The following ANKS1B variants were observed in gnomAD, a reference collection of about 807,000 sequenced individuals.
The protein encoded by ANKS1B is ankyrin repeat and sterile alpha motif domain containing 1B, also known as ankyrin repeat and sterile alpha motif domain-containing protein 1B.
In ANKS1B, 36 loss-of-function variants were observed where a neutral mutation model predicts 148.3. The observed-to-expected ratio is 0.24, with a 90% confidence interval of 0.19 to 0.32. The LOEUF (loss-of-function observed/expected upper bound fraction) is 0.32. ANKS1B is among the 10% of genes least tolerant of loss of function. The pLI is 1.00. For missense variants in ANKS1B, 1,157 were observed against 1,542.6 expected, an observed-to-expected ratio of 0.75 and a Z score of 4.19; for synonymous variants, 542 against 560.8, an observed-to-expected ratio of 0.97 and a Z score of 0.47.
intron 25 of ANKS1B, among the ~76,000 whole-genome samples, chr12:98,758,115 G>A (rs771214627): frequency 5.9e-5 from 9 of 151,988 alleles, no homozygotes; most frequent in African/African-American, 9.7e-5. Context: ...TGGCAATACC[G>A]GCTAGCATTT....
At chr12:99,281,576 C>A (rs1308066254) in intron 12 of ANKS1B, among the ~76,000 whole-genome samples, 1 of 152,116 alleles carries the variant, frequency 6.6e-6, no homozygotes, top group Non-Finnish European at 1.5e-5. Flanking sequence ...GCGGGTACTT[C>A]CAAAATAATT....
chr12:99,167,636 T>C (rs1254187549), intron 14 of ANKS1B, among the ~76,000 whole-genome samples: 1 of 152,182 alleles, frequency 6.6e-6, no homozygotes, highest in African/African-American at 2.4e-5. Context: ...TGGAAAAGTT[T>C]GATGGTTTCT....
chr12:99,414,003 G>C (rs1337283095), intron 11 of ANKS1B, among the ~76,000 whole-genome samples: 1 of 152,102 alleles, frequency 6.6e-6, no homozygotes, highest in Non-Finnish European at 1.5e-5. Flanking sequence ...AGGGCTTTTT[G>C]AGAACAGACA....
rs1555230501 is a variant in ANKS1B at position 99,088,848 on chromosome 12, T to TTTG, written c.2527-3826_2527-3825insCAA. Among the ~76,000 whole-genome samples, 15 of 138,054 alleles carry TTTG rather than the reference T, an allele frequency of 1.1e-4. 1 individual carries two copies. The highest frequency in any genetic ancestry group is 3.2e-4 in the African/African-American group (12 of 37,126). The allele number at this position is 138,054 out of a possible 152,430, so 90.6% of individuals were successfully genotyped here. On this transcript the variant is annotated intron_variant, in intron 15 of 26. Transcript: ENST00000683438. ...CTCAGTTTAACTTCTGTTTTTTTTTTTTTTTTTTTTTTTTGAGATGGAGTT... is the reference window on the plus strand; with the variant it reads ...CTCAGTTTAACTTCTGTTTTTTTTTTTTGTTTTTTTTTTTTTTGAGATGGAGTT...
chr12:99,804,610 T>A (rs74559759), intron 4 of ANKS1B, among the ~76,000 whole-genome samples: 4,741 of 152,216 alleles, frequency 0.031, 257 homozygotes, highest in African/African-American at 0.11. Context: ...TCCTAGGAAA[T>A]ATAACCCCAT....
intron 21 of ANKS1B, 135 bp from the exon 22 acceptor site, chr12:98,799,140 G>A (rs546965462): frequency 1.4e-4 from 69 of 510,908 alleles, no homozygotes; most frequent in South Asian, 4.0e-4. Flanking sequence ...AAAACTGACA[G>A]TAACTAATCC....
chr12:99,122,284 A>C (rs991730704), intron 15 of ANKS1B, among the ~76,000 whole-genome samples: 1 of 152,224 alleles, frequency 6.6e-6, no homozygotes, highest in Non-Finnish European at 1.5e-5. Flanking sequence ...GAGTATGTTG[A>C]ATAGAAGAAT....
chr12:99,654,460 A>G (rs2098440386), intron 9 of ANKS1B, among the ~76,000 whole-genome samples: 1 of 152,170 alleles, frequency 6.6e-6, no homozygotes, highest in African/African-American at 2.4e-5. Flanking sequence ...TCTCTGGAAT[A>G]TTTTAGTCAT....
At chr12:99,836,229 G>A (rs767979865) in intron 1 of ANKS1B, among the ~76,000 whole-genome samples, 7 of 151,834 alleles carry the variant, frequency 4.6e-5, no homozygotes, top group African/African-American at 7.3e-5. Flanking sequence ...ACACACACAC[G>A]CACAAAAGCT....
chr12:99,489,336 C>T (rs1016084651), intron 10 of ANKS1B, among the ~76,000 whole-genome samples: 3 of 151,614 alleles, frequency 2.0e-5, no homozygotes, highest in Non-Finnish European at 4.4e-5. Context: ...GAAAATACAT[C>T]AGAATATTAA....
intron 9 of ANKS1B, among the ~76,000 whole-genome samples, chr12:99,520,833 G>A (rs901955688): frequency 6.6e-6 from 1 of 152,164 alleles, no homozygotes; most frequent in African/African-American, 2.4e-5. Context: ...TTTCGCTCTT[G>A]TTGCCCAGGC....
intron 7 of ANKS1B, 82 bp from the exon 8 acceptor site, chr12:99,773,170 G>T (rs2063349291): frequency 1.7e-6 from 2 of 1,145,180 alleles, no homozygotes; most frequent in South Asian, 3.3e-5. Flanking sequence ...TGACTGCTAT[G>T]GTGATAGAAC....
chr12:98,861,338 G>C (rs2099598326), intron 17 of ANKS1B, among the ~76,000 whole-genome samples: 1 of 152,294 alleles, frequency 6.6e-6, no homozygotes. Flanking sequence ...CTGATATAAA[G>C]AGAAAAGCCA....
At chr12:99,212,439 C>T (rs569529972) in intron 14 of ANKS1B, among the ~76,000 whole-genome samples, 5 of 152,040 alleles carry the variant, frequency 3.3e-5, no homozygotes, top group Non-Finnish European at 7.4e-5. Context: ...TGCAAACATA[C>T]TCTGACCTTG....
intron 11 of ANKS1B, among the ~76,000 whole-genome samples, chr12:99,408,315 A>T (rs1237344398): frequency 6.9e-6 from 1 of 145,774 alleles, no homozygotes; most frequent in Non-Finnish European, 1.5e-5. Context: ...ACGAAAGTAG[A>T]CCCCTATCTC....
chr12:98,827,976 C>T (rs2099263908), intron 19 of ANKS1B, among the ~76,000 whole-genome samples: 2 of 152,038 alleles, frequency 1.3e-5, no homozygotes, highest in Admixed American at 6.6e-5. Flanking sequence ...TTTCAGATGC[C>T]CTATTTAAAA....
At chr12:99,924,402 C>A (rs147067526) in intron 1 of ANKS1B, among the ~76,000 whole-genome samples, 305 of 152,282 alleles carry the variant, frequency 2.0e-3, no homozygotes, top group African/African-American at 7.1e-3. Flanking sequence ...TTAAAACTTA[C>A]ACTAATATTT....
rs543224071 is a variant in ANKS1B, at chr12:99,665,633, C to T, written c.1129-10423G>A. ...TCCCAAGTAGCTGGGACTACAGGCG[C>T]CCACCACCACGCCCGGCTAATTTTT... On this transcript the variant is annotated intron_variant, in intron 8 of 26. Coordinates refer to ENST00000683438, the MANE Select transcript of ANKS1B (RefSeq NM_001352186.2). Among the ~76,000 whole-genome samples, 146 of 152,026 alleles carry T rather than the reference C, an allele frequency of 9.6e-4. 1 individual carries two copies. Among genetic ancestry groups the T allele is most frequent in the African/African-American group, 3.4e-3 (142 of 41,474 alleles).
At chr12:99,257,705 G>A (rs2075432904) in intron 12 of ANKS1B, among the ~76,000 whole-genome samples, 5 of 152,028 alleles carry the variant, frequency 3.3e-5, no homozygotes, top group Admixed American at 3.3e-4. Flanking sequence ...TGCTTTTCAA[G>A]GTATTTAGAA....
Sources: allele counts gnomAD v4.1 joint callset (sites outside exome capture counted in the v4.1 genomes callset), GRCh38; gene constraint gnomAD v4.1.1; transcripts MANE v1.5; gene names NCBI Gene and HGNC (gene_info 2026-07-23, HGNC 2026-07-21).